LRRC4C: variants seen among roughly 807,000 people sequenced by gnomAD.
The protein encoded by LRRC4C is leucine-rich repeat-containing protein 4C.
LRRC4C carries 5 observed loss-of-function variants against 33.6 expected under a neutral mutation model. The observed-to-expected ratio is 0.15, with a 90% CI of 0.08 to 0.31. The LOEUF (loss-of-function observed/expected upper bound fraction) is 0.31. LRRC4C is among the 10% of genes least tolerant of loss of function. The pLI is 1.00. For synonymous variants in LRRC4C, 329 were observed against 302.0 expected, an observed-to-expected ratio of 1.09 and a Z score of -0.93; for missense variants, 560 against 796.7, an observed-to-expected ratio of 0.70 and a Z score of 3.58.
At chr11:40,124,582 C>G (rs145223773) in intron 6 of LRRC4C, among the ~76,000 whole-genome samples, 254 of 152,222 alleles carry the variant, frequency 1.7e-3, no homozygotes, top group African/African-American at 5.5e-3. Flanking sequence ...TATGTTCTCA[C>G]TTATCTGTGA....
chr11:40,484,826 T>G (rs186641644), intron 3 of LRRC4C, among the ~76,000 whole-genome samples: 1 of 152,240 alleles, frequency 6.6e-6, no homozygotes, highest in African/African-American at 2.4e-5. Context: ...TAATAAACTT[T>G]ACTCTGAAGA....
chr11:40,441,479 G>A (rs1209758256), intron 3 of LRRC4C, among the ~76,000 whole-genome samples: 1 of 152,148 alleles, frequency 6.6e-6, no homozygotes, highest in African/African-American at 2.4e-5. Context: ...GTGATACAAT[G>A]CATTCTTTAT....
chr11:40,802,514 A>AAAAAGAT (rs1951080713), intron 2 of LRRC4C, among the ~76,000 whole-genome samples: 1 of 151,868 alleles, frequency 6.6e-6, no homozygotes, highest in African/African-American at 2.4e-5. Context: ...TAAGCAAAAA[A>AAAAAGAT]AAAAGATAAG....
intron 2 of LRRC4C, among the ~76,000 whole-genome samples, chr11:40,786,121 T>C (rs905405826): frequency 6.6e-6 from 1 of 152,232 alleles, no homozygotes; most frequent in Non-Finnish European, 1.5e-5. Flanking sequence ...GAAGCTTCTA[T>C]GCTTTCAGCT....
chr11:40,169,728 C>T (rs1318044969), intron 5 of LRRC4C, among the ~76,000 whole-genome samples: 2 of 152,068 alleles, frequency 1.3e-5, no homozygotes, highest in African/African-American at 4.8e-5. Flanking sequence ...TACTCCATAA[C>T]CCTCGTACCA....
intron 1 of LRRC4C, among the ~76,000 whole-genome samples, chr11:41,324,169 G>A (rs922817506): frequency 2.0e-5 from 3 of 152,076 alleles, no homozygotes; most frequent in Admixed American, 1.3e-4. Context: ...GGTAGCTCAT[G>A]CCTGTAATCC....
rs3041085 is a variant in LRRC4C at position 40,218,692 on chromosome 11, A to AATCTATCTATCTATCT, written c.-96+22811_-96+22826dup. 9.6e-3 allele frequency among the ~76,000 whole-genome samples: 1,351 copies of AATCTATCTATCTATCT among 140,096 alleles called. 11 individuals are homozygous for AATCTATCTATCTATCT. Among genetic ancestry groups the AATCTATCTATCTATCT allele is most frequent in the Middle Eastern group, 0.019 (5 of 268 alleles). The allele number at this position is 140,096 out of a possible 152,430, so 91.9% of individuals were successfully genotyped here. ...AAAGAATGGCTAAAGAATGATAAAG[A>AATCTATCTATCTATCT]ATCTATCTATCTATCTATCTATCTA... On this transcript the variant is annotated intron_variant, in intron 5 of 6. Coordinates refer to ENST00000528697, the MANE Select transcript of LRRC4C (RefSeq NM_001258419.2).
At chr11:40,980,501 C>T (rs538289057) in intron 1 of LRRC4C, among the ~76,000 whole-genome samples, 3 of 152,112 alleles carry the variant, frequency 2.0e-5, no homozygotes, top group Non-Finnish European at 2.9e-5. Flanking sequence ...CACTATACAC[C>T]GTCCGTCCAT....
At chr11:40,350,632 G>A (rs1301646812) in intron 3 of LRRC4C, among the ~76,000 whole-genome samples, 3 of 151,992 alleles carry the variant, frequency 2.0e-5, no homozygotes, top group Non-Finnish European at 4.4e-5. Context: ...TATGAAGAGT[G>A]CCATTGGTAT....
chr11:40,381,961 T>G (rs967474533), intron 3 of LRRC4C, among the ~76,000 whole-genome samples: 8 of 138,000 alleles, frequency 5.8e-5, no homozygotes, highest in Non-Finnish European at 7.9e-5. Flanking sequence ...AGCGTTTTTT[T>G]TTTTTTTTTT....
intron 5 of LRRC4C, among the ~76,000 whole-genome samples, chr11:40,214,847 C>T (rs1863860682): frequency 6.6e-6 from 1 of 151,996 alleles, no homozygotes; most frequent in Admixed American, 6.6e-5. Flanking sequence ...CCTTTTTTTC[C>T]CCGCTAAGCC....
At chr11:41,140,680 C>T (rs1943465333) in intron 1 of LRRC4C, among the ~76,000 whole-genome samples, 1 of 152,200 alleles carries the variant, frequency 6.6e-6, no homozygotes, top group Non-Finnish European at 1.5e-5. Flanking sequence ...GCCTTATTTG[C>T]TACTTTCTAT....
chr11:41,112,244 T>C (rs925966842), intron 1 of LRRC4C, among the ~76,000 whole-genome samples: 1 of 152,054 alleles, frequency 6.6e-6, no homozygotes, highest in Non-Finnish European at 1.5e-5. Flanking sequence ...CTGACACTGA[T>C]TGCTCAATGA....
At chr11:40,762,481 T>C (rs927799779) in intron 2 of LRRC4C, among the ~76,000 whole-genome samples, 8 of 152,150 alleles carry the variant, frequency 5.3e-5, no homozygotes, top group South Asian at 2.1e-4. Flanking sequence ...ATAGCCATGA[T>C]GTAAATATTT....
intron 3 of LRRC4C, among the ~76,000 whole-genome samples, chr11:40,356,625 G>A (rs1007014471): frequency 6.6e-6 from 1 of 152,092 alleles, no homozygotes; most frequent in Non-Finnish European, 1.5e-5. Flanking sequence ...TGACTGTGCT[G>A]TATCACGGGA....
intron 3 of LRRC4C, among the ~76,000 whole-genome samples, chr11:40,478,214 T>TTCCCTATTATCTATGTTTTTAA (rs1320826192): frequency 6.6e-6 from 1 of 152,210 alleles, no homozygotes; most frequent in Non-Finnish European, 1.5e-5. Flanking sequence ...GGTTCTCTTA[T>TTCCCTATTATCTATGTTTTTAA]TCCCTATTAT....
chr11:40,627,099 G>A (rs1963010690), intron 3 of LRRC4C, among the ~76,000 whole-genome samples: 1 of 142,134 alleles, frequency 7.0e-6, no homozygotes, highest in South Asian at 2.2e-4. Context: ...TTTTTGGTTG[G>A]TGGGGTGGGT....
At position 40,443,865 on chromosome 11, in the gene LRRC4C, C is replaced by A. The variant is rs1565394136; in HGVS notation, c.-269-124144G>T. ...TAGCAATCTAAACATCATTAACCAC[C>A]CTTCATCATGAAATGCTATGTTGGC... On this transcript the variant is annotated intron_variant, in intron 3 of 6. Transcript: ENST00000528697. Among the ~76,000 whole-genome samples the A allele has an allele frequency of 4.6e-5, 7 of 152,194 alleles. No homozygotes were observed. The South Asian group carries it at 1.2e-3, about 27-fold the overall frequency.
At chr11:40,688,140 C>G (rs76351920) in intron 2 of LRRC4C, among the ~76,000 whole-genome samples, 2,462 of 152,170 alleles carry the variant, frequency 0.016, 72 homozygotes, top group African/African-American at 0.056. Flanking sequence ...AATTCATTAT[C>G]CCGTAATTAG....
Sources: allele counts gnomAD v4.1 joint callset (sites outside exome capture counted in the v4.1 genomes callset), GRCh38; gene constraint gnomAD v4.1.1; transcripts MANE v1.5; gene names NCBI Gene and HGNC (gene_info 2026-07-23, HGNC 2026-07-21).